The following GRID2 variants were observed in gnomAD, a reference collection of about 807,000 sequenced individuals.
The protein encoded by GRID2 is glutamate ionotropic receptor delta type subunit 2, also known as glutamate receptor ionotropic, delta-2.
A neutral mutation model predicts 114.8 loss-of-function variants in GRID2; 33 were observed. The observed-to-expected ratio is 0.29, with a 90% CI of 0.22 to 0.38. The LOEUF is 0.38. GRID2 is among the 10% of genes least tolerant of loss of function. The pLI is 1.00. For missense variants in GRID2, 1,184 were observed against 1,257.7 expected (o/e 0.94, Z 0.89); for synonymous variants, 505 against 449.9 (o/e 1.12, Z -1.55).
chr4:92,745,635 A>T (rs906601292), intron 2 of GRID2, among the ~76,000 whole-genome samples: 1 of 152,044 alleles, frequency 6.6e-6, no homozygotes, highest in Non-Finnish European at 1.5e-5. Context: ...ATTTAGTTTA[A>T]TTTTTTTCAG....
intron 14 of GRID2, among the ~76,000 whole-genome samples, chr4:93,631,807 A>G (rs1720918446): frequency 1.3e-5 from 2 of 152,248 alleles, no homozygotes; most frequent in Middle Eastern, 6.8e-3. Flanking sequence ...TTCCACAATG[A>G]TTGTACTAGT....
intron 2 of GRID2, among the ~76,000 whole-genome samples, chr4:92,647,559 G>C (rs901091087): frequency 4.7e-5 from 7 of 149,002 alleles, no homozygotes; most frequent in Non-Finnish European, 8.9e-5. Flanking sequence ...GCTCCATAAT[G>C]GTTTCTCATT....
chr4:93,525,170 G>A (rs1015517404), intron 13 of GRID2, among the ~76,000 whole-genome samples: 1 of 152,024 alleles, frequency 6.6e-6, no homozygotes, highest in African/African-American at 2.4e-5. Flanking sequence ...CACAGGGAAA[G>A]GGAACCTAGC....
intron 2 of GRID2, among the ~76,000 whole-genome samples, chr4:92,813,330 T>C (rs572941593): frequency 1.3e-5 from 2 of 152,176 alleles, no homozygotes; most frequent in South Asian, 4.1e-4. Context: ...CTCTTCCTTG[T>C]TGCAAACAAC....
chr4:93,535,825 T>C (rs949639075), intron 13 of GRID2, among the ~76,000 whole-genome samples: 2 of 152,070 alleles, frequency 1.3e-5, no homozygotes, highest in African/African-American at 4.8e-5. Context: ...GGTTTGCAAA[T>C]ATTTTCTACC....
intron 8 of GRID2, among the ~76,000 whole-genome samples, chr4:93,334,856 G>A (rs1267140309): frequency 6.6e-6 from 1 of 152,028 alleles, no homozygotes; most frequent in South Asian, 2.1e-4. Flanking sequence ...GCTTGAACCC[G>A]GGAGGCAGAG....
intron 13 of GRID2, among the ~76,000 whole-genome samples, chr4:93,563,817 C>A (rs1197965406): frequency 2.0e-5 from 3 of 151,884 alleles, no homozygotes; most frequent in Non-Finnish European, 2.9e-5. Context: ...TCTATGAATA[C>A]ATTTTTATTT....
At chr4:93,606,489 T>G (rs1403863740) in intron 13 of GRID2, among the ~76,000 whole-genome samples, 1 of 152,206 alleles carries the variant, frequency 6.6e-6, no homozygotes, top group Admixed American at 6.5e-5. Flanking sequence ...TCTCACTTAT[T>G]TTAGGATTTA....
chr4:92,553,843 G>A (rs1249243515), intron 1 of GRID2, among the ~76,000 whole-genome samples: 2 of 151,998 alleles, frequency 1.3e-5, no homozygotes, highest in African/African-American at 2.4e-5. Flanking sequence ...GTAGAGACGG[G>A]CTTTTGCCAC....
At chr4:93,571,562 G>T (rs1451850204) in intron 13 of GRID2, among the ~76,000 whole-genome samples, 1 of 151,958 alleles carries the variant, frequency 6.6e-6, no homozygotes, top group African/African-American at 2.4e-5. Context: ...AAATTTTAAA[G>T]CCTTTAATTG....
intron 2 of GRID2, chr4:92,822,998 C>T (rs1214773498): frequency 6.6e-6 from 1 of 152,070 alleles, no homozygotes; most frequent in East Asian, 1.9e-4. Context: ...CACAGCCAGT[C>T]CTGCCACAGC....
intron 2 of GRID2, among the ~76,000 whole-genome samples, chr4:92,942,951 A>G (rs1410405968): frequency 1.3e-5 from 2 of 152,116 alleles, no homozygotes; most frequent in African/African-American, 4.8e-5. Context: ...TGTTATTCTG[A>G]TGGGCTTCCC....
intron 8 of GRID2, among the ~76,000 whole-genome samples, chr4:93,301,866 G>T (rs1754904948): frequency 6.6e-6 from 1 of 152,012 alleles, no homozygotes; most frequent in Non-Finnish European, 1.5e-5. Context: ...TCGTCAACCA[G>T]AAAACAAAAC....
intron 2 of GRID2, chr4:92,822,451 T>C: frequency 2.0e-6 from 1 of 491,718 alleles, no homozygotes; most frequent in South Asian, 1.7e-5. Flanking sequence ...GTTGCTGCCG[T>C]TAGGTGAGAA....
chr4:92,731,574 A>G (rs1736329868), intron 2 of GRID2, among the ~76,000 whole-genome samples: 1 of 151,936 alleles, frequency 6.6e-6, no homozygotes, highest in Non-Finnish European at 1.5e-5. Context: ...TGATTTTGTA[A>G]TTTGTTATAG....
intron 1 of GRID2, among the ~76,000 whole-genome samples, chr4:92,577,931 G>C (rs1477073466): frequency 6.6e-6 from 1 of 152,020 alleles, no homozygotes; most frequent in Non-Finnish European, 1.5e-5. Context: ...ATCACGATGG[G>C]ATTAGCTGGC....
chr4:92,711,695 G>A (rs1350495022), intron 2 of GRID2, among the ~76,000 whole-genome samples: 1 of 152,040 alleles, frequency 6.6e-6, no homozygotes, highest in African/African-American at 2.4e-5. Context: ...TTGAGCCCAG[G>A]AGTTTGAGAA....
intron 13 of GRID2, among the ~76,000 whole-genome samples, chr4:93,541,044 A>C (rs1231297826): frequency 6.6e-6 from 1 of 152,178 alleles, no homozygotes; most frequent in Non-Finnish European, 1.5e-5. Context: ...AACCCAAATG[A>C]AAAAGAATAT....
At chr4:93,617,999 C>T (rs1578411068) in intron 13 of GRID2, among the ~76,000 whole-genome samples, 1 of 152,266 alleles carries the variant, frequency 6.6e-6, no homozygotes, top group East Asian at 1.9e-4. Context: ...ACCTTCTGTA[C>T]CCATTGCCAA....
Sources: allele counts gnomAD v4.1 joint callset (sites outside exome capture counted in the v4.1 genomes callset), GRCh38; gene constraint gnomAD v4.1.1; transcripts MANE v1.5; gene names NCBI Gene and HGNC (gene_info 2026-07-23, HGNC 2026-07-21).